The following BAZ2B variants were observed in gnomAD, a reference collection of about 807,000 sequenced individuals.
The protein encoded by BAZ2B is bromodomain adjacent to zinc finger domain 2B.
BAZ2B carries 91 observed loss-of-function variants against 246.0 expected under a neutral mutation model. That is an observed-to-expected ratio of 0.37 (90% CI 0.31 to 0.44). BAZ2B has a LOEUF of 0.44. Ranked by LOEUF, BAZ2B falls within the 20% of genes least tolerant of loss-of-function variation. The pLI is 1.00. For missense variants in BAZ2B, 2,332 were observed against 2,533.7 expected (o/e 0.92, Z 1.71); for synonymous variants, 855 against 860.0 (o/e 0.99, Z 0.10).
rs376460682 is a variant in BAZ2B at position 159,343,254 on chromosome 2, AC to A, written c.5454+4231del. On this transcript the variant is annotated intron_variant, in intron 31 of 36. Transcript: ENST00000392783. ...ACTAGACCCCCACCTCTTATCCTAT[AC>A]AAAAATAACTCAAAATAGATGAAAG... Among the ~76,000 whole-genome samples, 41 of 152,318 alleles carry A rather than the reference AC, an allele frequency of 2.7e-4. 2 individuals carry two copies. In the South Asian group the frequency reaches 7.0e-3, roughly 26 times the overall value.
chr2:159,343,669 A>G (rs911019289), intron 31 of BAZ2B, among the ~76,000 whole-genome samples: 3 of 152,256 alleles, frequency 2.0e-5, no homozygotes, highest in Admixed American at 6.5e-5. Flanking sequence ...CACTCATCAG[A>G]GAAATGCAAA....
chr2:159,588,445 G>A (rs1207016227), intron 1 of BAZ2B, among the ~76,000 whole-genome samples: 1 of 151,814 alleles, frequency 6.6e-6, no homozygotes, highest in African/African-American at 2.4e-5. Flanking sequence ...AATCACTTGA[G>A]CCCAGGAGTT....
intron 2 of BAZ2B, among the ~76,000 whole-genome samples, chr2:159,518,948 T>G (rs2083736163): frequency 6.6e-6 from 1 of 152,112 alleles, no homozygotes; most frequent in Non-Finnish European, 1.5e-5. Context: ...TTAAAAATAA[T>G]TTTCAAAAAT....
At chr2:159,541,937 A>G (rs2086707769) in intron 2 of BAZ2B, among the ~76,000 whole-genome samples, 1 of 152,242 alleles carries the variant, frequency 6.6e-6, no homozygotes, top group African/African-American at 2.4e-5. Context: ...GGAAACCAGG[A>G]AAACAATGTA....
chr2:159,666,573 A>T, the BAZ2B span, among the ~76,000 whole-genome samples: 1 of 152,130 alleles, frequency 6.6e-6, no homozygotes, highest in Non-Finnish European at 1.5e-5. Context: ...TCATACTTTT[A>T]AAATTCTAAG....
chr2:159,472,403 T>G (rs2077921082), intron 3 of BAZ2B, among the ~76,000 whole-genome samples: 1 of 152,228 alleles, frequency 6.6e-6, no homozygotes, highest in Non-Finnish European at 1.5e-5. Flanking sequence ...GACAATTTGA[T>G]TTCCTCTTTT....
intron 2 of BAZ2B, among the ~76,000 whole-genome samples, chr2:159,499,538 C>T (rs560960877): frequency 3.3e-5 from 5 of 152,164 alleles, no homozygotes; most frequent in East Asian, 1.9e-4. Flanking sequence ...GGTATACACC[C>T]AGTTATGGGA....
At chr2:159,380,349 T>C (rs1459523001) in intron 25 of BAZ2B, among the ~76,000 whole-genome samples, 1 of 152,190 alleles carries the variant, frequency 6.6e-6, no homozygotes, top group Admixed American at 6.6e-5. Context: ...GGTGTGCTCA[T>C]CCCTCTAATA....
intron 1 of BAZ2B, among the ~76,000 whole-genome samples, chr2:159,558,375 G>C (rs2089457234): frequency 6.6e-6 from 1 of 152,154 alleles, no homozygotes; most frequent in African/African-American, 2.4e-5. Context: ...TCCCGCCTCA[G>C]CCTTCCGAGT....
the BAZ2B span, among the ~76,000 whole-genome samples, chr2:159,631,042 A>T: frequency 3.9e-5 from 6 of 152,110 alleles, no homozygotes; most frequent in African/African-American, 1.4e-4. Flanking sequence ...AAAAAATTTT[A>T]AAATTTACCC....
At chr2:159,670,356 T>C in the BAZ2B span, among the ~76,000 whole-genome samples, 2 of 152,308 alleles carry the variant, frequency 1.3e-5, no homozygotes, top group Admixed American at 1.3e-4. Flanking sequence ...TGTACCTCTT[T>C]GTATTTTATT....
the BAZ2B span, chr2:159,694,142 TATAAG>T: frequency 6.6e-6 from 1 of 151,978 alleles, no homozygotes; most frequent in Non-Finnish European, 1.5e-5. Context: ...CTGGTGTCCT[TATAAG>T]AGGAGGTTAG....
At chr2:159,462,953 T>A (rs2076594070) in intron 3 of BAZ2B, 2 of 1,112,612 alleles carry the variant, frequency 1.8e-6, no homozygotes, top group South Asian at 1.2e-5. Context: ...CTTTTTTCTA[T>A]AAGTGATCAA....
chr2:159,614,940 C>T (rs1175668397), intron 1 of BAZ2B, among the ~76,000 whole-genome samples: 2 of 152,146 alleles, frequency 1.3e-5, no homozygotes, highest in Admixed American at 6.5e-5. Context: ...CTTCCTAATA[C>T]TTCTTTCCTT....
chr2:159,428,155 A>G (rs1263668081), intron 12 of BAZ2B, 113 bp from the exon 13 acceptor site: 3 of 1,142,636 alleles, frequency 2.6e-6, no homozygotes, highest in Non-Finnish European at 3.8e-6. Context: ...GGGGCTCTAA[A>G]TTTATAGGAG....
chr2:159,419,502 A>C lies in BAZ2B; in HGVS notation c.2467-6957T>G, dbSNP rs141382318. Among the ~76,000 whole-genome samples the C allele has an allele frequency of 6.0e-4, 92 of 152,342 alleles. No homozygotes were observed. The Middle Eastern group carries it at 0.024, about 39-fold the overall frequency. On this transcript the variant is annotated intron_variant, in intron 13 of 36. Coordinates refer to ENST00000392783, the MANE Select transcript of BAZ2B (RefSeq NM_013450.4). Reference sequence around the variant, plus strand: ...TATCAACTTTATGACAGATATTCTTAAGTCACACTAGTCATATAGCTTATT... The same window carrying C: ...TATCAACTTTATGACAGATATTCTTCAGTCACACTAGTCATATAGCTTATT...
intron 2 of BAZ2B, among the ~76,000 whole-genome samples, chr2:159,521,009 T>A (rs2084064344): frequency 6.6e-6 from 1 of 152,122 alleles, no homozygotes; most frequent in African/African-American, 2.4e-5. Context: ...CAAACCTTAG[T>A]AATCTCAATA....
chr2:159,580,012 G>A (rs930652812), intron 1 of BAZ2B, among the ~76,000 whole-genome samples: 2 of 152,078 alleles, frequency 1.3e-5, no homozygotes. Flanking sequence ...CTGGCACAAG[G>A]CAGGGATGCC....
the BAZ2B span, among the ~76,000 whole-genome samples, chr2:159,623,153 AGGAG>A: frequency 6.6e-6 from 1 of 150,882 alleles, no homozygotes; most frequent in Non-Finnish European, 1.5e-5. Flanking sequence ...AAAGGAAAGA[AGGAG>A]GGAGGAGGGA....
Sources: allele counts gnomAD v4.1 joint callset (sites outside exome capture counted in the v4.1 genomes callset), GRCh38; gene constraint gnomAD v4.1.1; transcripts MANE v1.5; gene names NCBI Gene and HGNC (gene_info 2026-07-23, HGNC 2026-07-21).